The following FAM13C variants were observed in gnomAD, a reference collection of about 807,000 sequenced individuals.
The protein encoded by FAM13C is family with sequence similarity 13 member C.
Under a neutral mutation model 73.2 loss-of-function variants are expected in FAM13C, and 37 were observed. The observed-to-expected ratio is 0.51, with a 90% confidence interval of 0.39 to 0.67. FAM13C has a LOEUF of 0.67. Ranked by LOEUF, FAM13C falls within the 30% of genes least tolerant of loss-of-function variation. FAM13C has a pLI of 0.00. For synonymous variants in FAM13C, 246 were observed against 260.9 expected, an observed-to-expected ratio of 0.94 and a Z score of 0.55; for missense variants, 589 against 715.6, an observed-to-expected ratio of 0.82 and a Z score of 2.02.
intron 2 of FAM13C, among the ~76,000 whole-genome samples, chr10:59,353,233 C>A (rs1439487519): frequency 6.6e-6 from 1 of 152,136 alleles, no homozygotes; most frequent in Non-Finnish European, 1.5e-5. Context: ...TCCCTACCCC[C>A]CTCCAGTTAC....
intron 3 of FAM13C, among the ~76,000 whole-genome samples, chr10:59,344,525 G>T (rs1014628826): frequency 1.3e-5 from 2 of 151,342 alleles, no homozygotes; most frequent in Non-Finnish European, 1.5e-5. Flanking sequence ...CTCGTGATCC[G>T]CCCGTCTCAG....
intron 4 of FAM13C, among the ~76,000 whole-genome samples, chr10:59,304,761 G>GAGGGAAAGGA (rs1848004469): frequency 2.4e-5 from 1 of 41,132 alleles, no homozygotes; most frequent in Non-Finnish European, 4.2e-5. Context: ...TAAATAAAAA[G>GAGGGAAAGGA]AGGGAAGGGA....
intron 5 of FAM13C, among the ~76,000 whole-genome samples, chr10:59,298,286 G>C (rs1023972033): frequency 2.6e-5 from 4 of 152,150 alleles, no homozygotes; most frequent in Non-Finnish European, 5.9e-5. Context: ...AAGGTCAATT[G>C]GCTTGTGGCT....
intron 6 of FAM13C, among the ~76,000 whole-genome samples, chr10:59,277,349 T>C (rs1844435239): frequency 6.6e-6 from 1 of 152,202 alleles, no homozygotes; most frequent in South Asian, 2.1e-4. Context: ...CTTGTTCCCA[T>C]TTTCACATAT....
At chr10:59,350,231 T>C (rs1357451102) in intron 3 of FAM13C, among the ~76,000 whole-genome samples, 1 of 152,192 alleles carries the variant, frequency 6.6e-6, no homozygotes, top group Non-Finnish European at 1.5e-5. Context: ...GCAAAGACTA[T>C]ACAAGCACAT....
intron 3 of FAM13C, among the ~76,000 whole-genome samples, chr10:59,339,124 G>A (rs1388143445): frequency 1.3e-5 from 2 of 152,010 alleles, no homozygotes; most frequent in Non-Finnish European, 2.9e-5. Flanking sequence ...TTCCCTGCAT[G>A]TCTCTCTGTG....
Position 59,264,100 on chromosome 10 carries a change from G to A in FAM13C, c.1009C>T (p.Arg337Cys), listed in dbSNP as rs137976326. 156 of 1,611,016 alleles carry A rather than the reference G, an allele frequency of 9.7e-5. 2 individuals are homozygous for A. In the South Asian group the frequency reaches 1.2e-3, roughly 12 times the overall value. Residue 337 changes from arginine (R) to cysteine (C), a missense_variant, in exon 9 of 14, where the codon CGT becomes TGT. Arg to Cys is a radical substitution (Grantham distance 180). Coordinates refer to ENST00000618804, the MANE Select transcript of FAM13C (RefSeq NM_198215.4). The part of the protein sequence containing the change: ...LKWMNDLAKG[R>C]KQLKELKLKL... ...TGGGATTTACCTTTGAGCTGTTTAC[G>A]ACCTTTAGCCAAATCATTCATCCAT...
At chr10:59,346,707 T>C (rs914259745) in intron 3 of FAM13C, among the ~76,000 whole-genome samples, 3 of 152,190 alleles carry the variant, frequency 2.0e-5, no homozygotes, top group East Asian at 3.8e-4. Flanking sequence ...TTACAGGAAG[T>C]TGGTTCCATT....
At chr10:59,301,553 C>A (rs370058963) in intron 5 of FAM13C, among the ~76,000 whole-genome samples, 2 of 152,234 alleles carry the variant, frequency 1.3e-5, no homozygotes, top group African/African-American at 4.8e-5. Context: ...GCTCAAAAAA[C>A]AGTTTCTCCC....
At chr10:59,291,788 T>C (rs1243965338) in intron 5 of FAM13C, among the ~76,000 whole-genome samples, 3 of 4,836 alleles carry the variant, frequency 6.2e-4, no homozygotes, top group Non-Finnish European at 4.9e-3. Context: ...AAACTCCCTT[T>C]TTTTTTTTTT....
chr10:59,348,636 A>G (rs1161640366), intron 3 of FAM13C, among the ~76,000 whole-genome samples: 1 of 152,070 alleles, frequency 6.6e-6, no homozygotes, highest in East Asian at 1.9e-4. Flanking sequence ...TCCAGACTTC[A>G]TGAATCTTTT....
chr10:59,331,233 G>A (rs1281524356), intron 3 of FAM13C, among the ~76,000 whole-genome samples: 1 of 152,206 alleles, frequency 6.6e-6, no homozygotes, highest in African/African-American at 2.4e-5. Flanking sequence ...CAAAGTGTGT[G>A]ATGCTTTGAG....
chr10:59,342,074 C>T (rs895647182), intron 3 of FAM13C, among the ~76,000 whole-genome samples: 3 of 152,164 alleles, frequency 2.0e-5, no homozygotes, highest in Non-Finnish European at 2.9e-5. Flanking sequence ...AACACAGAAG[C>T]TGGCTCATGA....
intron 3 of FAM13C, chr10:59,327,703 G>A (rs1851367067): frequency 2.0e-5 from 3 of 151,874 alleles, no homozygotes; most frequent in South Asian, 2.1e-4. Flanking sequence ...CATTAAAGTA[G>A]GGTATGTATT....
Position 59,246,376 on chromosome 10 carries a change from C to T in FAM13C, c.*1238G>A, listed in dbSNP as rs1030321105. ...AAAGTTATAAAATATTAGGTAAATA[C>T]AGAGAAAACAATAAGCCTCTGAAAT... On this transcript the variant is annotated 3_prime_UTR_variant, in exon 14 of 14. Coordinates refer to ENST00000618804, the MANE Select transcript of FAM13C (RefSeq NM_198215.4). 1 of 286,330 alleles carries T rather than the reference C, an allele frequency of 3.5e-6. No homozygotes were observed. Among genetic ancestry groups the T allele is most frequent in the African/African-American group, 2.2e-5 (1 of 46,224 alleles). The allele number at this position is 286,330 out of a possible 1,614,324, so 17.7% of individuals were successfully genotyped here. A position where few individuals can be genotyped will look rare whatever the true frequency, so the allele number is the denominator to read the frequency against.
chr10:59,268,748 T>C, intron 7 of FAM13C, 57 bp from the exon 8 acceptor site: 2 of 1,569,404 alleles, frequency 1.3e-6, no homozygotes, highest in Non-Finnish European at 1.7e-6. Flanking sequence ...CAGTAAACAG[T>C]TCTGTTGATC....
chr10:59,350,266 A>G (rs1854856080), intron 3 of FAM13C, among the ~76,000 whole-genome samples: 1 of 152,228 alleles, frequency 6.6e-6, no homozygotes, highest in Non-Finnish European at 1.5e-5. Flanking sequence ...CTACCTGTGT[A>G]TGAGCAACAG....
chr10:59,313,818 C>T (rs1231582358), intron 4 of FAM13C, among the ~76,000 whole-genome samples: 3 of 152,004 alleles, frequency 2.0e-5, no homozygotes, highest in Non-Finnish European at 4.4e-5. Flanking sequence ...CATAAAGGAC[C>T]ATAATGAAAT....
intron 5 of FAM13C, among the ~76,000 whole-genome samples, chr10:59,293,069 C>CTTTTTTTTTTTTTTTTTT (rs148715812): frequency 1.8e-5 from 2 of 109,538 alleles, no homozygotes; most frequent in African/African-American, 7.9e-5. Context: ...TTTTCTTTTT[C>CTTTTTTTTTTTTTTTTTT]TTTTTTTTTT....
Sources: gnomAD v4.1 joint callset for allele counts (sites outside exome capture counted in the v4.1 genomes callset) on GRCh38, gnomAD v4.1.1 for gene constraint, MANE v1.5 for transcripts, NCBI Gene and HGNC (gene_info 2026-07-23, HGNC 2026-07-21) for gene names.